Variants in SGCZ observed in about 807,000 individuals in gnomAD.
The protein encoded by SGCZ is zeta-sarcoglycan.
SGCZ carries 40 observed loss-of-function variants against 41.3 expected under a neutral mutation model. The ratio of observed to expected loss-of-function variants is 0.97; its 90% CI spans 0.75 to 1.26. The LOEUF (loss-of-function observed/expected upper bound fraction) is 1.26. SGCZ is among the 50% of genes most tolerant of loss of function. The pLI is 0.00. For missense variants in SGCZ, 552 were observed against 369.8 expected, an observed-to-expected ratio of 1.49 and a Z score of -4.04; for synonymous variants, 206 against 137.5, an observed-to-expected ratio of 1.50 and a Z score of -3.49.
intron 3 of SGCZ, among the ~76,000 whole-genome samples, chr8:14,258,242 A>T (rs2117225821): frequency 6.6e-6 from 1 of 152,110 alleles, no homozygotes; most frequent in Admixed American, 6.5e-5. Flanking sequence ...TTATAATGAA[A>T]ACTAGGTCTG....
At chr8:15,075,309 C>T (rs1040585322) in intron 1 of SGCZ, among the ~76,000 whole-genome samples, 1 of 152,002 alleles carries the variant, frequency 6.6e-6, no homozygotes, top group Non-Finnish European at 1.5e-5. Context: ...TAGAGTGAAT[C>T]TAAATAATTT....
chr8:15,140,212 A>T (rs2116994532), intron 1 of SGCZ, among the ~76,000 whole-genome samples: 1 of 152,132 alleles, frequency 6.6e-6, no homozygotes, highest in East Asian at 1.9e-4. Flanking sequence ...TTTTGTAGAC[A>T]AAGGGCCTCT....
chr8:14,230,534 T>C (rs1806525596), intron 4 of SGCZ, among the ~76,000 whole-genome samples: 1 of 152,026 alleles, frequency 6.6e-6, no homozygotes, highest in Non-Finnish European at 1.5e-5. Context: ...TTTAGCAGTC[T>C]CCAAAATCCA....
intron 1 of SGCZ, among the ~76,000 whole-genome samples, chr8:14,797,934 G>T (rs963965604): frequency 2.0e-5 from 3 of 152,188 alleles, no homozygotes; most frequent in Admixed American, 2.0e-4. Flanking sequence ...CAGAAGTCAA[G>T]AACTGAGATT....
chr8:14,600,921 C>CTTACTTAATCAAAGTAATTACTTAA (rs1230907959), intron 1 of SGCZ, among the ~76,000 whole-genome samples: 1 of 151,480 alleles, frequency 6.6e-6, no homozygotes, highest in African/African-American at 2.4e-5. Context: ...TCAACTTAAC[C>CTTACTTAATCAAAGTAATTACTTAA]TCAAAGTAAT....
At chr8:14,865,974 T>C (rs1803917047) in intron 1 of SGCZ, among the ~76,000 whole-genome samples, 1 of 152,166 alleles carries the variant, frequency 6.6e-6, no homozygotes. Context: ...AAGGAATTGC[T>C]AAGTTTCTGG....
chr8:14,305,789 C>A (rs566236192), intron 3 of SGCZ, among the ~76,000 whole-genome samples: 1 of 152,248 alleles, frequency 6.6e-6, no homozygotes, highest in South Asian at 2.1e-4. Context: ...CCGGGCTCAA[C>A]CTTGTAACTT....
chr8:14,929,798 G>T (rs1167524565), intron 1 of SGCZ, among the ~76,000 whole-genome samples: 1 of 151,918 alleles, frequency 6.6e-6, no homozygotes, highest in Non-Finnish European at 1.5e-5. Context: ...AACATTAGAA[G>T]GATATGAAAT....
chr8:14,462,226 TA>T (rs1800921146), intron 2 of SGCZ, among the ~76,000 whole-genome samples: 1 of 151,668 alleles, frequency 6.6e-6, no homozygotes, highest in South Asian at 2.1e-4. Flanking sequence ...GAAGAAGACC[TA>T]AATATAAGCA....
At chr8:14,181,568 T>C (rs776805205) in intron 4 of SGCZ, among the ~76,000 whole-genome samples, 1 of 152,152 alleles carries the variant, frequency 6.6e-6, no homozygotes, top group Non-Finnish European at 1.5e-5. Context: ...ATAATCCCCA[T>C]GTGACAAGGG....
chr8:15,037,236 C>T (rs559434506), intron 1 of SGCZ, among the ~76,000 whole-genome samples: 2 of 152,182 alleles, frequency 1.3e-5, no homozygotes, highest in Admixed American at 1.3e-4. Flanking sequence ...GGCGGTTACC[C>T]CCATGCTAAT....
At chr8:14,455,079 C>T (rs972290930) in intron 2 of SGCZ, among the ~76,000 whole-genome samples, 1 of 151,894 alleles carries the variant, frequency 6.6e-6, no homozygotes, top group South Asian at 2.1e-4. Context: ...CAAGAGCAGT[C>T]AGAAATAACT....
At chr8:14,933,588 C>T (rs1280310338) in intron 1 of SGCZ, among the ~76,000 whole-genome samples, 3 of 151,762 alleles carry the variant, frequency 2.0e-5, no homozygotes, top group Non-Finnish European at 2.9e-5. Flanking sequence ...CCTGCCACCA[C>T]ACTCGGCTAA....
chr8:14,840,637 A>G (rs1467518061), intron 1 of SGCZ, among the ~76,000 whole-genome samples: 1 of 152,048 alleles, frequency 6.6e-6, no homozygotes, highest in Non-Finnish European at 1.5e-5. Flanking sequence ...TTGCACTCTA[A>G]CTATCTTAAC....
chr8:14,140,523 A>G (rs574210921), intron 5 of SGCZ, among the ~76,000 whole-genome samples: 4 of 152,318 alleles, frequency 2.6e-5, no homozygotes, highest in East Asian at 1.9e-4. Context: ...TTATACATCA[A>G]TAACAGACAA....
chr8:15,052,314 G>A (rs970251219), intron 1 of SGCZ, among the ~76,000 whole-genome samples: 1 of 152,220 alleles, frequency 6.6e-6, no homozygotes, highest in Admixed American at 6.5e-5. Context: ...TCAGTGAAAT[G>A]AAGAAGATGA....
At chr8:14,498,236 A>G (rs1259931346) in intron 2 of SGCZ, among the ~76,000 whole-genome samples, 1 of 152,180 alleles carries the variant, frequency 6.6e-6, no homozygotes, top group African/African-American at 2.4e-5. Context: ...GATGGAATGA[A>G]TCCTTAAAAT....
intron 1 of SGCZ, among the ~76,000 whole-genome samples, chr8:14,779,745 G>C (rs1800526971): frequency 6.6e-6 from 1 of 152,158 alleles, no homozygotes; most frequent in Non-Finnish European, 1.5e-5. Flanking sequence ...TGTGGGTGAA[G>C]CAAAAGGGAT....
chr8:14,758,402 C>G (rs999040145), intron 1 of SGCZ, among the ~76,000 whole-genome samples: 2 of 152,100 alleles, frequency 1.3e-5, no homozygotes, highest in African/African-American at 4.8e-5. Context: ...CTTTTTTCAT[C>G]AATTTATAAT....
Sources: gnomAD v4.1 joint callset for allele counts (sites outside exome capture counted in the v4.1 genomes callset) on GRCh38, gnomAD v4.1.1 for gene constraint, MANE v1.5 for transcripts, NCBI Gene and HGNC (gene_info 2026-07-23, HGNC 2026-07-21) for gene names.